The following SEMA3A variants were observed in gnomAD, a reference collection of about 807,000 sequenced individuals.
SEMA3A encodes the protein semaphorin-3A.
SEMA3A carries 29 observed loss-of-function variants against 97.9 expected under a neutral mutation model. The observed-to-expected ratio is 0.30, with a 90% CI of 0.22 to 0.40. SEMA3A has a LOEUF of 0.40. Ranked by LOEUF, SEMA3A falls within the 10% of genes least tolerant of loss-of-function variation. SEMA3A has a pLI of 1.00. For synonymous variants in SEMA3A, 321 were observed against 323.7 expected (o/e 0.99, Z 0.09); for missense variants, 763 against 951.3 (o/e 0.80, Z 2.60).
intron 1 of SEMA3A, among the ~76,000 whole-genome samples, chr7:84,190,937 G>A (rs916205262): frequency 7.4e-4 from 100 of 136,034 alleles, no homozygotes; most frequent in African/African-American, 2.7e-3. Flanking sequence ...GTATACCTAT[G>A]TGTACACATA....
In SEMA3A at chr7:83,956,497, G is replaced by A. The variant is rs1788281712; in HGVS notation, c.*4874C>T. On this transcript the variant is annotated 3_prime_UTR_variant, in exon 17 of 17. Coordinates refer to ENST00000265362, the MANE Select transcript of SEMA3A (RefSeq NM_006080.3). Reference sequence around the variant, plus strand: ...AAGACGGTTGTGGGAACACTGTCTAGTGCTATGACTTTAGCTGAGTAAAGA... The same window carrying A: ...AAGACGGTTGTGGGAACACTGTCTAATGCTATGACTTTAGCTGAGTAAAGA... 1 of 152,154 alleles carries A rather than the reference G, an allele frequency of 6.6e-6. No individual in the cohort carries two copies. The highest frequency in any genetic ancestry group is 6.6e-5 in the Admixed American group (1 of 15,264). The allele number at this position is 152,154 out of a possible 1,614,324, so 9.4% of individuals were successfully genotyped here.
At chr7:84,411,445 C>T (rs1201671196) in intron 1 of SEMA3A, among the ~76,000 whole-genome samples, 1 of 151,956 alleles carries the variant, frequency 6.6e-6, no homozygotes, top group Non-Finnish European at 1.5e-5. Flanking sequence ...TGTCCTGTTA[C>T]TTCCATTATG....
chr7:84,345,480 C>T (rs1802276588), intron 2 of SEMA3A, among the ~76,000 whole-genome samples: 1 of 152,212 alleles, frequency 6.6e-6, no homozygotes, highest in African/African-American at 2.4e-5. Context: ...GCACTTTACA[C>T]ACAGTAGAAC....
chr7:84,131,222 A>C (rs931174036), intron 2 of SEMA3A, among the ~76,000 whole-genome samples: 3 of 152,082 alleles, frequency 2.0e-5, no homozygotes, highest in African/African-American at 7.2e-5. Context: ...CAGTGGAACA[A>C]AAGTAAATGT....
rs200724606 is a variant in SEMA3A, at chr7:84,002,050, T to G, written c.1361-4A>C. The G allele has an allele frequency of 6.4e-7, 1 of 1,573,394 alleles. No homozygotes were observed. The highest frequency in any genetic ancestry group is 1.1e-5 in the South Asian group (1 of 89,718). On this transcript the variant is annotated splice_region_variant and splice_polypyrimidine_tract_variant and intron_variant, in intron 11 of 16. Coordinates refer to ENST00000265362, the MANE Select transcript of SEMA3A (RefSeq NM_006080.3). ...ACTTTAAGAACGGTCCCAACATCTT[T>G]GAAAGAAAGTGGGGAGAAGACCACA...
chr7:84,390,381 C>T (rs1490693719), intron 1 of SEMA3A, among the ~76,000 whole-genome samples: 1 of 145,428 alleles, frequency 6.9e-6, no homozygotes, highest in Admixed American at 7.0e-5. Context: ...AGCTGGGAAC[C>T]ATTGCTGGGT....
Position 83,961,453 on chromosome 7 carries a change from T to A in SEMA3A, c.2234A>T (p.Asn745Ile). Residue 745 changes from asparagine (N) to isoleucine (I), a missense_variant, in exon 17 of 17, where the codon AAC becomes ATC. By Grantham distance (149) the Asn-to-Ile change is moderately radical. Coordinates refer to ENST00000265362, the MANE Select transcript of SEMA3A (RefSeq NM_006080.3). ...ATTTTCTTGTAAGTGCTTCCATTTG[T>A]TACTGTTCCCTGGGGTATGTCCTGG... is the stretch of plus-strand genomic sequence containing the variant. Reference protein sequence around the residue: ...QRPGHTPGNSNKWKHLQENKK... With the variant: ...QRPGHTPGNSIKWKHLQENKK... 6.2e-7 allele frequency: 1 copy of A among 1,614,176 alleles called. No individual in the cohort carries two copies. Among genetic ancestry groups the A allele is most frequent in the South Asian group, 1.1e-5 (1 of 91,092 alleles).
intron 1 of SEMA3A, among the ~76,000 whole-genome samples, chr7:84,154,349 A>G (rs887001098): frequency 1.3e-5 from 2 of 152,136 alleles, no homozygotes; most frequent in Admixed American, 6.6e-5. Flanking sequence ...GTCAATACAG[A>G]TAAGTTTCTT....
chr7:84,145,275 T>A (rs1261294985), intron 1 of SEMA3A, among the ~76,000 whole-genome samples: 3 of 152,168 alleles, frequency 2.0e-5, no homozygotes, highest in Non-Finnish European at 4.4e-5. Flanking sequence ...CACTGCTTTA[T>A]CTCCTTAGCT....
chr7:84,129,373 C>A (rs1266188584), intron 2 of SEMA3A, among the ~76,000 whole-genome samples, 188 bp from the exon 3 acceptor site: 1 of 152,184 alleles, frequency 6.6e-6, no homozygotes, highest in Non-Finnish European at 1.5e-5. Context: ...GTCATTGATT[C>A]TCCATCTACC....
intron 1 of SEMA3A, among the ~76,000 whole-genome samples, chr7:84,146,956 C>A (rs1271348942): frequency 6.6e-6 from 1 of 152,128 alleles, no homozygotes; most frequent in East Asian, 1.9e-4. Context: ...AAAGAGGAGG[C>A]TTCTCTGTTT....
chr7:84,128,872 G>A (rs576072983), intron 3 of SEMA3A, among the ~76,000 whole-genome samples: 1 of 152,104 alleles, frequency 6.6e-6, no homozygotes, highest in East Asian at 1.9e-4. Flanking sequence ...ACACAGCACA[G>A]TTTTTTTCAG....
At chr7:83,981,585 G>C (rs1789419740) in intron 13 of SEMA3A, 107 bp from the exon 14 acceptor site, 1 of 995,656 alleles carries the variant, frequency 1.0e-6, no homozygotes, top group African/African-American at 1.7e-5. Context: ...ATAAATTAAG[G>C]GTTTAAAAAA....
intron 5 of SEMA3A, among the ~76,000 whole-genome samples, chr7:84,055,311 G>T (rs372345231): frequency 6.6e-6 from 1 of 152,026 alleles, no homozygotes; most frequent in Non-Finnish European, 1.5e-5. Context: ...GCCTCGCTGC[G>T]GCCTTGCAGT....
chr7:84,070,701 G>A (rs114601880), intron 4 of SEMA3A, among the ~76,000 whole-genome samples: 67 of 152,064 alleles, frequency 4.4e-4, no homozygotes, highest in African/African-American at 1.6e-3. Flanking sequence ...CACTTTGTAT[G>A]CCAGTTATAC....
chr7:84,393,185 T>C (rs939022109), intron 1 of SEMA3A, among the ~76,000 whole-genome samples: 2 of 152,192 alleles, frequency 1.3e-5, no homozygotes, highest in Non-Finnish European at 2.9e-5. Flanking sequence ...TCATGTTTTA[T>C]GTTTAAGTAT....
intron 3 of SEMA3A, among the ~76,000 whole-genome samples, chr7:84,238,421 G>A (rs2116373483): frequency 6.6e-6 from 1 of 152,144 alleles, no homozygotes; most frequent in Admixed American, 6.5e-5. Flanking sequence ...ATCTACAGTA[G>A]GCACAGTGGA....
intron 3 of SEMA3A, among the ~76,000 whole-genome samples, chr7:84,116,469 A>G (rs929549573): frequency 1.3e-5 from 2 of 152,200 alleles, no homozygotes; most frequent in Non-Finnish European, 2.9e-5. Context: ...GGGTAAATGA[A>G]TTATCAAACC....
intron 3 of SEMA3A, among the ~76,000 whole-genome samples, chr7:84,237,231 A>G (rs1799256550): frequency 6.6e-6 from 1 of 152,170 alleles, no homozygotes. Flanking sequence ...TATGTAGGTA[A>G]GTGAATTTCT....
Sources: allele counts gnomAD v4.1 joint callset (sites outside exome capture counted in the v4.1 genomes callset), GRCh38; gene constraint gnomAD v4.1.1; transcripts MANE v1.5; gene names NCBI Gene and HGNC (gene_info 2026-07-23, HGNC 2026-07-21).